CSMD3: variants seen among roughly 807,000 people sequenced by gnomAD.
CSMD3 encodes the protein CUB and Sushi multiple domains 3.
A neutral mutation model predicts 435.2 loss-of-function variants in CSMD3; 177 were observed. That is an observed-to-expected ratio of 0.41 (90% CI 0.36 to 0.46). The LOEUF (loss-of-function observed/expected upper bound fraction) is 0.46, where lower values mean the gene tolerates loss of function less well. Among genes scored for constraint, CSMD3 ranks in the 20% least tolerant of loss-of-function variants. The pLI is 0.34. For missense variants in CSMD3, 4,265 were observed against 4,504.6 expected (o/e 0.95, Z 1.52); for synonymous variants, 1,656 against 1,520.5 (o/e 1.09, Z -2.07).
Position 112,539,581 on chromosome 8 carries a change from C to T in CSMD3, c.4564+11090G>A, listed in dbSNP as rs998573079. Among the ~76,000 whole-genome samples the T allele has an allele frequency of 5.3e-5, 8 of 152,068 alleles. No individual in the cohort carries two copies. The South Asian group carries it at 8.3e-4, about 16-fold the overall frequency. On this transcript the variant is annotated intron_variant, in intron 27 of 70. Coordinates refer to ENST00000297405, the MANE Select transcript of CSMD3 (RefSeq NM_198123.2). ...ACTGACATAAAAATAGACACACAGA[C>T]GAATGGAAGAGGAAAAATAACTCAG...
intron 3 of CSMD3, among the ~76,000 whole-genome samples, chr8:113,210,742 T>C (rs1049084113): frequency 6.6e-6 from 1 of 151,898 alleles, no homozygotes; most frequent in African/African-American, 2.4e-5. Flanking sequence ...CTGGGCATGG[T>C]AGCAGGGACC....
intron 23 of CSMD3, among the ~76,000 whole-genome samples, chr8:112,574,100 C>T (rs1417031454): frequency 2.6e-5 from 4 of 151,920 alleles, no homozygotes; most frequent in African/African-American, 7.2e-5. Flanking sequence ...GTAACTTTTC[C>T]ATGCTCTTTA....
chr8:113,348,581 G>A (rs1056056871), intron 1 of CSMD3, among the ~76,000 whole-genome samples: 2 of 152,056 alleles, frequency 1.3e-5, no homozygotes, highest in African/African-American at 4.8e-5. Context: ...ATCAATCCTG[G>A]AGATCAAGGA....
intron 66 of CSMD3, among the ~76,000 whole-genome samples, 194 bp downstream of exon 66, chr8:112,241,526 C>A (rs1391349737): frequency 6.6e-6 from 1 of 151,926 alleles, no homozygotes. Flanking sequence ...GAACTATGAA[C>A]AATACTTTTG....
chr8:113,354,621 GTTA>G (rs748399496), intron 1 of CSMD3, among the ~76,000 whole-genome samples: 6 of 152,032 alleles, frequency 3.9e-5, no homozygotes, highest in Non-Finnish European at 5.9e-5. Context: ...ATAGAAATTT[GTTA>G]TTGTTGTTGT....
At chr8:112,781,724 GC>G (rs2078391872) in intron 13 of CSMD3, among the ~76,000 whole-genome samples, 1 of 152,084 alleles carries the variant, frequency 6.6e-6, no homozygotes, top group South Asian at 2.1e-4. Context: ...AGGCAGCTCA[GC>G]ATAAAGACAG....
chr8:112,815,740 C>T (rs1563988189), intron 12 of CSMD3, among the ~76,000 whole-genome samples: 1 of 151,840 alleles, frequency 6.6e-6, no homozygotes, highest in African/African-American at 2.4e-5. Context: ...GAAGTAAACC[C>T]TTTTTTCAGG....
At chr8:112,930,454 G>T (rs2083069630) in intron 9 of CSMD3, among the ~76,000 whole-genome samples, 1 of 152,070 alleles carries the variant, frequency 6.6e-6, no homozygotes, top group Non-Finnish European at 1.5e-5. Flanking sequence ...AAATAAACCA[G>T]TTGAAGTAGA....
chr8:112,263,806 G>A lies in CSMD3; in HGVS notation c.9695C>T (p.Thr3232Ile), dbSNP rs1382389601. Residue 3232 changes from threonine to isoleucine, a missense_variant, in exon 61 of 71, where the codon ACC (threonine) becomes ATC (isoleucine). Thr to Ile is a moderately conservative substitution (Grantham distance 89). Coordinates refer to ENST00000297405, the MANE Select transcript of CSMD3 (RefSeq NM_198123.2). ...AGAGATCTGGGGAGGAGTTGGGCAG[G>A]TAACAGCTGCAATTACATTAAAAGT... ...SGVMPTCRAV[T>I]CPTPPQISNG... 6.8e-6 allele frequency: 11 copies of A among 1,613,372 alleles called. No individual in the cohort carries two copies. Among genetic ancestry groups the A allele is most frequent in the Non-Finnish European group, 9.3e-6 (11 of 1,179,506 alleles).
At position 113,098,811 on chromosome 8, in the gene CSMD3, T is replaced by C. The variant is rs773301459; in HGVS notation, c.862A>G (p.Met288Val). Residue 288 changes from methionine to valine, a missense_variant, in exon 5 of 71, where the codon ATG (methionine) becomes GTG (valine). Met to Val is a conservative substitution (Grantham distance 21, BLOSUM62 1). Coordinates refer to ENST00000297405, the MANE Select transcript of CSMD3 (RefSeq NM_198123.2). ...TISLIFTDFQ[M>V]EEKYDYLEIE... The stretch of plus-strand genomic sequence containing the variant: ...TCTAAGTAATCATATTTCTCTTCCA[T>C]TTGAAAATCAGTAAATATGAGTGAA... 18 of 1,612,864 alleles carry C rather than the reference T, an allele frequency of 1.1e-5. No homozygotes were observed. In the South Asian group the frequency reaches 2.0e-4, roughly 18 times the overall value.
intron 6 of CSMD3, among the ~76,000 whole-genome samples, chr8:112,999,691 T>G (rs554354405): frequency 2.6e-5 from 4 of 151,672 alleles, no homozygotes; most frequent in East Asian, 2.0e-4. Context: ...GGCAGGAAAC[T>G]GAGTGTTTAA....
chr8:112,322,005 A>C (rs1444139997), intron 45 of CSMD3, among the ~76,000 whole-genome samples: 1 of 152,154 alleles, frequency 6.6e-6, no homozygotes, highest in Admixed American at 6.6e-5. Context: ...GAGAAAATGG[A>C]GAAGATAGGG....
intron 9 of CSMD3, among the ~76,000 whole-genome samples, chr8:112,926,240 ATGTG>A (rs71309796): frequency 6.7e-6 from 1 of 150,282 alleles, no homozygotes; most frequent in Non-Finnish European, 1.5e-5. Context: ...CTCATTAAAT[ATGTG>A]TGTGTGTGTG....
intron 39 of CSMD3, among the ~76,000 whole-genome samples, chr8:112,352,190 C>T (rs1348249778): frequency 2.0e-5 from 3 of 152,016 alleles, no homozygotes; most frequent in Non-Finnish European, 4.4e-5. Context: ...CCTAACTTTC[C>T]TAATTTTGAC....
chr8:113,055,616 A>G (rs2088293677), intron 5 of CSMD3, among the ~76,000 whole-genome samples: 1 of 152,224 alleles, frequency 6.6e-6, no homozygotes, highest in Non-Finnish European at 1.5e-5. Context: ...TGTGAATTGT[A>G]TGTTAAAATC....
chr8:113,391,143 A>G lies in CSMD3; in HGVS notation c.178+45534T>C, dbSNP rs147856273. On this transcript the variant is annotated intron_variant, in intron 1 of 70. Coordinates refer to ENST00000297405, the MANE Select transcript of CSMD3 (RefSeq NM_198123.2). ...TATATGAAGTGAATTTAGTATGTAC[A>G]TGGTTACATAGATTCACCAAAAATA... Among the ~76,000 whole-genome samples the G allele has an allele frequency of 4.3e-4, 66 of 152,146 alleles. No individual in the cohort carries two copies. In the East Asian group the frequency reaches 6.6e-3, roughly 15 times the overall value.
chr8:113,146,741 T>C (rs1330887311), intron 4 of CSMD3, among the ~76,000 whole-genome samples: 2 of 151,590 alleles, frequency 1.3e-5, no homozygotes, highest in Non-Finnish European at 3.0e-5. Context: ...ATTTTATTTA[T>C]ACTGGCCATA....
intron 68 of CSMD3, 105 bp downstream of exon 68, chr8:112,234,260 G>T: frequency 1.4e-6 from 1 of 714,890 alleles, no homozygotes; most frequent in Non-Finnish European, 2.5e-6. Context: ...ATATATGTAT[G>T]TGTATGTATT....
At chr8:112,764,774 T>C (rs1448095118) in intron 13 of CSMD3, among the ~76,000 whole-genome samples, 2 of 151,672 alleles carry the variant, frequency 1.3e-5, no homozygotes, top group Non-Finnish European at 3.0e-5. Context: ...ACCTTTGCTG[T>C]TAGCATTAAT....
Sources: gnomAD v4.1 joint callset for allele counts (sites outside exome capture counted in the v4.1 genomes callset) on GRCh38, gnomAD v4.1.1 for gene constraint, MANE v1.5 for transcripts, NCBI Gene and HGNC (gene_info 2026-07-23, HGNC 2026-07-21) for gene names.